SNX29: variants seen among roughly 807,000 people sequenced by gnomAD.
SNX29 encodes sorting nexin 29.
Under a neutral mutation model 102.1 loss-of-function variants are expected in SNX29, and 78 were observed. That is an observed-to-expected ratio of 0.76 (90% CI 0.64 to 0.92). The LOEUF (loss-of-function observed/expected upper bound fraction) is 0.92, where lower values mean the gene tolerates loss of function less well. Ranked by LOEUF, SNX29 falls within the 40% of genes least tolerant of loss-of-function variation. The pLI, the probability that SNX29 is intolerant of heterozygous loss-of-function variation, is 0.00. For missense variants in SNX29, 1,280 were observed against 1,061.7 expected, an observed-to-expected ratio of 1.21 and a Z score of -2.86; for synonymous variants, 580 against 414.5, an observed-to-expected ratio of 1.40 and a Z score of -4.85.
chr16:12,312,543 G>A (rs899401592), intron 15 of SNX29, among the ~76,000 whole-genome samples: 2 of 152,068 alleles, frequency 1.3e-5, no homozygotes, highest in African/African-American at 2.4e-5. Flanking sequence ...TAAGCTCCAC[G>A]AGCCAGAAGC....
chr16:12,245,614 A>C (rs2078237818), intron 14 of SNX29, among the ~76,000 whole-genome samples: 1 of 152,086 alleles, frequency 6.6e-6, no homozygotes, highest in African/African-American at 2.4e-5. Context: ...GACCAAACAA[A>C]AACCCGTCGT....
intron 14 of SNX29, among the ~76,000 whole-genome samples, chr16:12,245,841 C>T (rs2078244229): frequency 6.6e-6 from 1 of 152,096 alleles, no homozygotes; most frequent in African/African-American, 2.4e-5. Flanking sequence ...AGAGTTTCTG[C>T]TGCAGGAACT....
In SNX29 at chr16:12,571,432, C is replaced by G. The variant is rs1196646727; in HGVS notation, c.*2803C>G. ...ACATCTGTCTTCTTCTAAGATTACTCGGAGATTTTCAAACAACATCTGAGA... is the reference window on the plus strand; with the variant it reads ...ACATCTGTCTTCTTCTAAGATTACTGGGAGATTTTCAAACAACATCTGAGA... On this transcript the variant is annotated 3_prime_UTR_variant, in exon 21 of 21. Transcript: ENST00000566228. The G allele has an allele frequency of 3.8e-5, 9 of 234,912 alleles. No homozygotes were observed. The highest frequency in any genetic ancestry group is 5.8e-5 in the Non-Finnish European group (7 of 120,316). 14.6% of individuals were successfully genotyped at this position (234,912 alleles called of 1,614,324 possible). A position where few individuals can be genotyped will look rare whatever the true frequency, so the allele number is the denominator to read the frequency against.
At chr16:12,040,789 A>G (rs2049850183) in intron 4 of SNX29, among the ~76,000 whole-genome samples, 1 of 152,252 alleles carries the variant, frequency 6.6e-6, no homozygotes, top group Admixed American at 6.5e-5. Context: ...ACAAAATTAC[A>G]CATATAAATA....
At chr16:12,529,137 C>T (rs1028986180) in intron 20 of SNX29, among the ~76,000 whole-genome samples, 6 of 152,186 alleles carry the variant, frequency 3.9e-5, no homozygotes, top group African/African-American at 7.2e-5. Context: ...CCGTTGCCTC[C>T]CTTGCTAATG....
At chr16:12,123,598 G>T (rs1225315445) in intron 11 of SNX29, among the ~76,000 whole-genome samples, 1 of 152,118 alleles carries the variant, frequency 6.6e-6, no homozygotes, top group African/African-American at 2.4e-5. Context: ...GTCTGAGGCA[G>T]CAGTGGCCCT....
intron 12 of SNX29, among the ~76,000 whole-genome samples, chr16:12,128,611 C>T (rs141605153): frequency 1.3e-5 from 2 of 151,998 alleles, no homozygotes; most frequent in African/African-American, 4.8e-5. Flanking sequence ...TACTACCACA[C>T]CTGAGTAATT....
In SNX29 at chr16:12,571,850, C is replaced by T. The variant is rs983846232; in HGVS notation, c.*3221C>T. The T allele has an allele frequency of 1.7e-5, 18 of 1,057,824 alleles. No homozygotes were observed. Among genetic ancestry groups the T allele is most frequent in the African/African-American group, 3.3e-5 (2 of 60,768 alleles). 65.5% of individuals were successfully genotyped at this position (1,057,824 alleles called of 1,614,324 possible). On this transcript the variant is annotated 3_prime_UTR_variant, in exon 21 of 21. Coordinates refer to ENST00000566228, the MANE Select transcript of SNX29 (RefSeq NM_032167.5). ...CCCACTTAGCAGTATGCTCCAATCACGTTGCTGGCAAGGCATTTTAGAGTT... is the reference window on the plus strand; with the variant it reads ...CCCACTTAGCAGTATGCTCCAATCATGTTGCTGGCAAGGCATTTTAGAGTT...
intron 16 of SNX29, among the ~76,000 whole-genome samples, chr16:12,383,697 A>G (rs908453520): frequency 1.6e-4 from 25 of 151,682 alleles, no homozygotes; most frequent in African/African-American, 6.1e-4. Context: ...CAGCCTCTCA[A>G]AGTGCTAGGA....
intron 8 of SNX29, among the ~76,000 whole-genome samples, chr16:12,054,860 G>C (rs1282436146): frequency 1.3e-5 from 2 of 152,174 alleles, no homozygotes; most frequent in African/African-American, 4.8e-5. Context: ...CTTGTGAAAT[G>C]TTTCCCCTTT....
At chr16:12,539,272 A>G (rs567356944) in intron 20 of SNX29, among the ~76,000 whole-genome samples, 2 of 152,040 alleles carry the variant, frequency 1.3e-5, no homozygotes, top group African/African-American at 4.8e-5. Context: ...TTTCCTTTCT[A>G]GCTGCACCCT....
intron 1 of SNX29, among the ~76,000 whole-genome samples, chr16:11,997,543 T>C (rs889851785): frequency 2.6e-5 from 4 of 151,920 alleles, no homozygotes; most frequent in Admixed American, 2.0e-4. Context: ...AGTGGCACGA[T>C]CTCAGCTCAC....
chr16:12,329,981 G>T (rs949484026), intron 15 of SNX29, among the ~76,000 whole-genome samples: 6 of 152,204 alleles, frequency 3.9e-5, no homozygotes, highest in Non-Finnish European at 8.8e-5. Context: ...GGGCTGTTGC[G>T]TCTGAGACAC....
At chr16:12,364,222 G>T (rs80148291) in intron 16 of SNX29, among the ~76,000 whole-genome samples, 1 of 95,516 alleles carries the variant, frequency 1.0e-5, no homozygotes, top group Admixed American at 1.3e-4. Flanking sequence ...TGTTATTTTT[G>T]TAGAGGCAGG....
intron 18 of SNX29, among the ~76,000 whole-genome samples, chr16:12,459,995 T>C (rs1377751383): frequency 1.3e-5 from 2 of 152,214 alleles, no homozygotes; most frequent in Non-Finnish European, 2.9e-5. Context: ...GTTGGAAATA[T>C]ACCGAACAGA....
At chr16:12,342,120 C>T (rs1309033767) in intron 15 of SNX29, among the ~76,000 whole-genome samples, 3 of 152,300 alleles carry the variant, frequency 2.0e-5, no homozygotes, top group Non-Finnish European at 2.9e-5. Context: ...ATGAGCCACT[C>T]TGTTGGGGGT....
intron 3 of SNX29, among the ~76,000 whole-genome samples, chr16:12,015,210 C>A (rs2056805689): frequency 6.6e-6 from 1 of 151,918 alleles, no homozygotes; most frequent in South Asian, 2.1e-4. Flanking sequence ...CTTGGTACTC[C>A]TGCACTGAAA....
At chr16:12,455,027 C>T (rs1040768128) in intron 18 of SNX29, among the ~76,000 whole-genome samples, 3 of 152,214 alleles carry the variant, frequency 2.0e-5, no homozygotes, top group Admixed American at 6.5e-5. Flanking sequence ...AGATTACAGG[C>T]ATGAGCCATC....
In SNX29 at chr16:12,096,891, A is replaced by G. The variant is rs1190454469; in HGVS notation, c.1402+17976A>G. Among the ~76,000 whole-genome samples, 6 of 152,158 alleles carry G rather than the reference A, an allele frequency of 3.9e-5. No homozygotes were observed. Among genetic ancestry groups the G allele is most frequent in the Non-Finnish European group, 7.4e-5 (5 of 68,016 alleles). ...GGAGGAACCGATGACAGCAGGATGA[A>G]TGTAGCAAGGATAGGGTGGCTGAGG... On this transcript the variant is annotated intron_variant, in intron 11 of 20. Transcript: ENST00000566228. This position sits in a 1 kb window ranked among gnomAD's most constrained non-coding sequence, Gnocchi z 4.2.
Sources: allele counts gnomAD v4.1 joint callset (sites outside exome capture counted in the v4.1 genomes callset), GRCh38; gene constraint gnomAD v4.1.1; non-coding constraint Gnocchi (gnomAD v3.1); transcripts MANE v1.5; gene names NCBI Gene and HGNC (gene_info 2026-07-23, HGNC 2026-07-21).